The following PLD5 variants were observed in gnomAD, a reference collection of about 807,000 sequenced individuals.
PLD5 encodes the protein inactive phospholipase D5.
In PLD5, 36 loss-of-function variants were observed where a neutral mutation model predicts 61.1. The ratio of observed to expected loss-of-function variants is 0.59; its 90% confidence interval spans 0.45 to 0.78. The LOEUF (loss-of-function observed/expected upper bound fraction) is 0.78, where lower values mean the gene tolerates loss of function less well. PLD5 is among the 30% of genes least tolerant of loss of function. The pLI is 0.00. For synonymous variants in PLD5, 243 were observed against 242.8 expected (o/e 1.00, Z -0.01); for missense variants, 515 against 644.4 (o/e 0.80, Z 2.17).
At chr1:242,126,053 C>A (rs763324867) in intron 5 of PLD5, among the ~76,000 whole-genome samples, 1 of 152,016 alleles carries the variant, frequency 6.6e-6, no homozygotes, top group Admixed American at 6.6e-5. Flanking sequence ...GGACTATTAG[C>A]GGTTAAGTGA....
At chr1:242,239,314 A>C (rs1385594064) in intron 4 of PLD5, among the ~76,000 whole-genome samples, 2 of 152,118 alleles carry the variant, frequency 1.3e-5, no homozygotes, top group Non-Finnish European at 2.9e-5. Context: ...TGGTGGAATG[A>C]ATGATTGGAA....
intron 1 of PLD5, among the ~76,000 whole-genome samples, chr1:242,521,676 G>GA (rs1572286773): frequency 1.9e-5 from 2 of 105,188 alleles, no homozygotes; most frequent in East Asian, 4.0e-4. Flanking sequence ...TGATTAGACA[G>GA]ACCAGAAGGG....
At chr1:242,189,445 C>CAAAA (rs58476673) in intron 5 of PLD5, among the ~76,000 whole-genome samples, 24 of 70,430 alleles carry the variant, frequency 3.4e-4, no homozygotes, top group African/African-American at 1.0e-3. Context: ...GACTCCATCT[C>CAAAA]AAAAAAAAAA....
At chr1:242,449,653 A>T (rs1414206802) in intron 1 of PLD5, among the ~76,000 whole-genome samples, 1 of 152,314 alleles carries the variant, frequency 6.6e-6, no homozygotes, top group East Asian at 1.9e-4. Context: ...GGGGACTGCT[A>T]TGTTTAATTA....
chr1:242,240,023 T>A (rs1671896182), intron 4 of PLD5, among the ~76,000 whole-genome samples: 1 of 152,214 alleles, frequency 6.6e-6, no homozygotes, highest in South Asian at 2.1e-4. Flanking sequence ...TGAGTGGCCC[T>A]TAGATTTTCT....
chr1:242,177,976 A>G (rs548679782), intron 5 of PLD5: 1 of 152,360 alleles, frequency 6.6e-6, no homozygotes, highest in East Asian at 1.9e-4. Flanking sequence ...GTCTTTTACC[A>G]TTGGGCTGGT....
At chr1:242,449,762 G>A (rs555764148) in intron 1 of PLD5, among the ~76,000 whole-genome samples, 5 of 152,294 alleles carry the variant, frequency 3.3e-5, no homozygotes, top group East Asian at 1.9e-4. Context: ...GGCAGGCACC[G>A]TGCTGGTGTC....
chr1:242,189,640 G>A (rs1216152885), intron 5 of PLD5, among the ~76,000 whole-genome samples: 3 of 152,104 alleles, frequency 2.0e-5, no homozygotes, highest in Non-Finnish European at 4.4e-5. Context: ...AAAGACAAGC[G>A]ATAAACAACT....
intron 1 of PLD5, among the ~76,000 whole-genome samples, chr1:242,428,163 C>G (rs1211267573): frequency 2.0e-5 from 3 of 152,144 alleles, no homozygotes; most frequent in Non-Finnish European, 4.4e-5. Flanking sequence ...ATGCTGAAAC[C>G]TCCTCCAAGA....
chr1:242,110,501 A>G (rs976915332), intron 7 of PLD5, among the ~76,000 whole-genome samples: 4 of 152,098 alleles, frequency 2.6e-5, no homozygotes, highest in African/African-American at 9.7e-5. Flanking sequence ...ACTGGTACAC[A>G]GTGCTCAATA....
intron 5 of PLD5, among the ~76,000 whole-genome samples, chr1:242,177,207 C>G (rs1454168296): frequency 6.6e-6 from 1 of 152,136 alleles, no homozygotes; most frequent in African/African-American, 2.4e-5. Flanking sequence ...AAATGTGGCA[C>G]ATATATACCA....
At chr1:242,269,241 A>T (rs920910106) in intron 3 of PLD5, among the ~76,000 whole-genome samples, 1 of 152,226 alleles carries the variant, frequency 6.6e-6, no homozygotes, top group Non-Finnish European at 1.5e-5. Flanking sequence ...ACATTAGCCA[A>T]CATTTCAGAC....
rs1190373218 is a variant in PLD5, at chr1:242,107,686, G to C, written c.1224C>G (p.Asn408Lys). 2 of 1,587,598 alleles carry C rather than the reference G, an allele frequency of 1.3e-6. No homozygotes were observed. The highest frequency in any genetic ancestry group is 2.3e-5 in the South Asian group (2 of 85,722). ...SLKAICTEIANCSLKVKFFDL... is the reference protein window; with the variant it reads ...SLKAICTEIAKCSLKVKFFDL... Reference sequence around the variant, plus strand: ...TAATACTTACAACTTTCAAACTGCAGTTGGCTATTTCAGTGCAAATCGCTT... The same window carrying C: ...TAATACTTACAACTTTCAAACTGCACTTGGCTATTTCAGTGCAAATCGCTT... The change falls in exon 8 of 10, where the codon AAC becomes AAG. Residue 408 changes from asparagine to lysine, a missense_variant. Around this residue, in one of 2 missense-constraint regions of PLD5, gnomAD observed 450 missense variants for 598.1 expected, o/e 0.75. Transcript: ENST00000536534.
rs556903697 is a variant in PLD5 at position 242,366,512 on chromosome 1, C to T, written c.190-18270G>A. Among the ~76,000 whole-genome samples the T allele has an allele frequency of 2.6e-5, 4 of 152,212 alleles. No individual in the cohort carries two copies. The South Asian group carries it at 8.3e-4, about 32-fold the overall frequency. On this transcript the variant is annotated intron_variant, in intron 1 of 9. Coordinates refer to ENST00000536534, the MANE Select transcript of PLD5 (RefSeq NM_001372062.1). ...CTGCAGCAACCTAGATGATTCATTC[C>T]TTTTCAAGGAGTTGTATTTAGATTG...
chr1:242,273,617 A>T (rs1278224954), intron 3 of PLD5, among the ~76,000 whole-genome samples: 1 of 152,238 alleles, frequency 6.6e-6, no homozygotes, highest in African/African-American at 2.4e-5. Flanking sequence ...AAGATAGTGC[A>T]TCTGAATCTC....
At chr1:242,319,621 C>T (rs1260666703) in intron 2 of PLD5, among the ~76,000 whole-genome samples, 1 of 152,188 alleles carries the variant, frequency 6.6e-6, no homozygotes, top group Non-Finnish European at 1.5e-5. Flanking sequence ...GCCCCACAAT[C>T]TTTACCCTAA....
At chr1:242,463,693 C>T (rs1667189258) in intron 1 of PLD5, among the ~76,000 whole-genome samples, 1 of 152,070 alleles carries the variant, frequency 6.6e-6, no homozygotes, top group Non-Finnish European at 1.5e-5. Context: ...CATCTCAAGG[C>T]AGTGCCTCTA....
chr1:242,466,302 C>G (rs55643230), intron 1 of PLD5, among the ~76,000 whole-genome samples: 27,459 of 151,966 alleles, frequency 0.18, 3,037 homozygotes, highest in Non-Finnish European at 0.25. Context: ...AGGAGATATT[C>G]AGTAATATTT....
In PLD5 at chr1:242,089,043, TC is replaced by T; in HGVS notation, c.*810del. ...TATTAGCAGGTGGCTACATAATTTT[TC>T]TGAGCTTGAGAGAAAGGATACATAT... is the stretch of plus-strand genomic sequence containing the variant. On this transcript the variant is annotated 3_prime_UTR_variant, in exon 10 of 10. Coordinates refer to ENST00000536534, the MANE Select transcript of PLD5 (RefSeq NM_001372062.1). 1 of 324,328 alleles carries T rather than the reference TC, an allele frequency of 3.1e-6. No individual in the cohort carries two copies. Among genetic ancestry groups the T allele is most frequent in the East Asian group, 4.6e-5 (1 of 21,646 alleles). The allele number at this position is 324,328 out of a possible 1,614,324, so 20.1% of individuals were successfully genotyped here. A position where few individuals can be genotyped will look rare whatever the true frequency, so the allele number is the denominator to read the frequency against.
Sources: gnomAD v4.1 joint callset for allele counts (sites outside exome capture counted in the v4.1 genomes callset) on GRCh38, gnomAD v4.1.1 for gene constraint, gnomAD v4.1.1 regional missense constraint, MANE v1.5 for transcripts, NCBI Gene and HGNC (gene_info 2026-07-23, HGNC 2026-07-21) for gene names.